NIBAN1: variants seen among roughly 807,000 people sequenced by gnomAD.
NIBAN1 encodes the protein niban apoptosis regulator 1.
In NIBAN1, 81 loss-of-function variants were observed where a neutral mutation model predicts 75.1. The observed-to-expected ratio is 1.08, with a 90% CI of 0.90 to 1.30. The LOEUF is 1.30. Ranked by LOEUF, NIBAN1 falls within the 50% of genes most tolerant of loss-of-function variation. The probability of loss-of-function intolerance (pLI) is 0.00; values close to 1 mark genes in which losing one functional copy is unlikely to be tolerated. For synonymous variants in NIBAN1, 436 were observed against 424.8 expected (o/e 1.03, Z -0.32); for missense variants, 1,133 against 1,128.1 (o/e 1.00, Z -0.06).
chr1:184,944,459 G>C (rs1658173847), intron 1 of NIBAN1, among the ~76,000 whole-genome samples: 1 of 152,248 alleles, frequency 6.6e-6, no homozygotes, highest in Non-Finnish European at 1.5e-5. Context: ...TTGAAAAAGA[G>C]AGAATATTGG....
intron 1 of NIBAN1, among the ~76,000 whole-genome samples, chr1:184,969,995 G>A (rs143252384): frequency 7.5e-4 from 114 of 151,554 alleles, no homozygotes; most frequent in African/African-American, 2.7e-3. Context: ...GCGAAACCCC[G>A]TCTCTACAAA....
chr1:184,886,894 G>C (rs1656539852), intron 4 of NIBAN1, among the ~76,000 whole-genome samples: 1 of 152,088 alleles, frequency 6.6e-6, no homozygotes, highest in Non-Finnish European at 1.5e-5. Context: ...AGGCCAAGGA[G>C]GGTAGATCAT....
chr1:184,952,229 A>T (rs1022274548), intron 1 of NIBAN1, among the ~76,000 whole-genome samples: 2 of 152,098 alleles, frequency 1.3e-5, no homozygotes, highest in Admixed American at 1.3e-4. Flanking sequence ...GCAAGACCTC[A>T]TCTCTACAAA....
At chr1:184,969,639 C>A (rs569509870) in intron 1 of NIBAN1, among the ~76,000 whole-genome samples, 95 of 152,054 alleles carry the variant, frequency 6.2e-4, no homozygotes, top group African/African-American at 2.2e-3. Context: ...CTTTCAGGGA[C>A]CTTAAATGGG....
Position 184,818,731 on chromosome 1 carries a change from C to T in NIBAN1, c.1080G>A (p.Ser360=), listed in dbSNP as rs111420352. The change falls in exon 9 of 14, where the codon TCG becomes TCA. Residue 360 remains serine (S), a synonymous_variant. Coordinates refer to ENST00000367511, the MANE Select transcript of NIBAN1 (RefSeq NM_052966.4). ...AGAGTACACGTACTTCACTGAATCC[C>T]GAGCTCACTGGTCCCATGAGCTCCT... ...ILEELMGPVS[S]GFSEVRVLFE... The T allele has an allele frequency of 1.4e-5, 22 of 1,613,580 alleles. No individual in the cohort carries two copies. The highest frequency in any genetic ancestry group is 8.0e-5 in the African/African-American group (6 of 75,050).
chr1:184,898,396 C>G (rs894898602), intron 2 of NIBAN1, among the ~76,000 whole-genome samples: 1 of 152,142 alleles, frequency 6.6e-6, no homozygotes, highest in African/African-American at 2.4e-5. Context: ...AGGTGGATCA[C>G]TTGAGGTCAG....
chr1:184,929,205 T>C (rs554550827), intron 1 of NIBAN1, among the ~76,000 whole-genome samples: 1 of 152,324 alleles, frequency 6.6e-6, no homozygotes, highest in African/African-American at 2.4e-5. Flanking sequence ...AATCCCAAAA[T>C]ACTTTATTTT....
intron 4 of NIBAN1, among the ~76,000 whole-genome samples, 195 bp downstream of exon 4, chr1:184,889,913 A>T (rs1194484901): frequency 1.3e-5 from 2 of 152,138 alleles, no homozygotes; most frequent in Non-Finnish European, 2.9e-5. Flanking sequence ...GCATGGTAGG[A>T]TGTTTTGTAG....
intron 2 of NIBAN1, among the ~76,000 whole-genome samples, chr1:184,896,615 C>G (rs1656807202): frequency 6.6e-6 from 1 of 151,898 alleles, no homozygotes; most frequent in African/African-American, 2.4e-5. Flanking sequence ...AAATTCTTTT[C>G]CTGGGCAAAT....
chr1:184,893,205 T>G (rs553746957), intron 3 of NIBAN1, among the ~76,000 whole-genome samples: 1 of 152,162 alleles, frequency 6.6e-6, no homozygotes, highest in East Asian at 1.9e-4. Flanking sequence ...GTGTACAGTA[T>G]GAGATCTGGG....
In NIBAN1 at chr1:184,845,533, G is replaced by T. The variant is rs116897291; in HGVS notation, c.602-13571C>A. Reference sequence around the variant, plus strand: ...TTTAATACTTTGGGAGGCCAAGGAGGATTGCTTGAGGCCAGGAGTTCAAGA... The same window carrying T: ...TTTAATACTTTGGGAGGCCAAGGAGTATTGCTTGAGGCCAGGAGTTCAAGA... On this transcript the variant is annotated intron_variant, in intron 5 of 13. Coordinates refer to ENST00000367511, the MANE Select transcript of NIBAN1 (RefSeq NM_052966.4). 9.9e-4 allele frequency among the ~76,000 whole-genome samples: 151 copies of T among 152,316 alleles called. 2 individuals are homozygous for T. In the East Asian group the frequency reaches 0.027, roughly 27 times the overall value.
chr1:184,882,930 C>G (rs967698166), intron 5 of NIBAN1, among the ~76,000 whole-genome samples: 2 of 152,134 alleles, frequency 1.3e-5, no homozygotes, highest in Non-Finnish European at 2.9e-5. Context: ...ATAAGGGTAT[C>G]ATTTTTTTAA....
At chr1:184,802,538 A>G (rs1188748200) in intron 12 of NIBAN1, among the ~76,000 whole-genome samples, 1 of 152,236 alleles carries the variant, frequency 6.6e-6, no homozygotes, top group Non-Finnish European at 1.5e-5. Context: ...TGAAAGAAAT[A>G]TGCCCCACAA....
intron 1 of NIBAN1, among the ~76,000 whole-genome samples, chr1:184,917,886 A>G (rs1371138738): frequency 6.6e-6 from 1 of 152,158 alleles, no homozygotes; most frequent in African/African-American, 2.4e-5. Context: ...ACCTCTTGAA[A>G]CAATACCCTG....
intron 5 of NIBAN1, among the ~76,000 whole-genome samples, chr1:184,872,541 A>C (rs1162402835): frequency 6.6e-6 from 1 of 152,108 alleles, no homozygotes; most frequent in Non-Finnish European, 1.5e-5. Flanking sequence ...CCCCATCTCT[A>C]CTAAAAATAC....
chr1:184,952,594 C>A (rs1185189858), intron 1 of NIBAN1, among the ~76,000 whole-genome samples: 2 of 152,154 alleles, frequency 1.3e-5, no homozygotes. Context: ...ACAAAAAAAT[C>A]TCATAATGTT....
At chr1:184,831,728 G>A (rs552611477) in intron 6 of NIBAN1, 119 bp downstream of exon 6, 2 of 708,908 alleles carry the variant, frequency 2.8e-6, no homozygotes, top group Admixed American at 5.1e-5. Flanking sequence ...ATGGTCTTTG[G>A]AACCACATCT....
chr1:184,962,345 A>G (rs892028757), intron 1 of NIBAN1, among the ~76,000 whole-genome samples: 2 of 152,220 alleles, frequency 1.3e-5, no homozygotes, highest in Non-Finnish European at 2.9e-5. Flanking sequence ...GATAAAGCAA[A>G]TGAGAATTTG....
At chr1:184,956,025 T>TTGTG (rs1658482037) in intron 1 of NIBAN1, among the ~76,000 whole-genome samples, 3 of 93,002 alleles carry the variant, frequency 3.2e-5, no homozygotes, top group Non-Finnish European at 2.6e-5. Context: ...TATTTTTTCT[T>TTGTG]TTTGTTTGTT....
Sources: allele counts gnomAD v4.1 joint callset (sites outside exome capture counted in the v4.1 genomes callset), GRCh38; gene constraint gnomAD v4.1.1; transcripts MANE v1.5; gene names NCBI Gene and HGNC (gene_info 2026-07-23, HGNC 2026-07-21).